The following DPP10 variants were observed in gnomAD, a reference collection of about 807,000 sequenced individuals.
DPP10 encodes the protein dipeptidyl peptidase like 10.
Under a neutral mutation model 120.9 loss-of-function variants are expected in DPP10, and 33 were observed. That is an observed-to-expected ratio of 0.27 (90% CI 0.21 to 0.37). The LOEUF is 0.37. DPP10 is among the 10% of genes least tolerant of loss of function. The pLI, the probability that DPP10 is intolerant of heterozygous loss-of-function variation, is 1.00. For missense variants in DPP10, 816 were observed against 942.8 expected, an observed-to-expected ratio of 0.87 and a Z score of 1.76; for synonymous variants, 337 against 326.1, an observed-to-expected ratio of 1.03 and a Z score of -0.36.
chr2:115,647,679 G>T (rs1188000294), intron 5 of DPP10, among the ~76,000 whole-genome samples: 1 of 152,130 alleles, frequency 6.6e-6, no homozygotes, highest in Non-Finnish European at 1.5e-5. Flanking sequence ...TGGGGGCTGG[G>T]AAGTCCAAGA....
At chr2:114,853,748 G>T (rs1689155602) in intron 1 of DPP10, among the ~76,000 whole-genome samples, 1 of 152,086 alleles carries the variant, frequency 6.6e-6, no homozygotes, top group Admixed American at 6.6e-5. Context: ...GAGAAAGTTA[G>T]CTGCCCTGTC....
At chr2:114,880,014 G>A (rs1011575666) in intron 1 of DPP10, among the ~76,000 whole-genome samples, 4 of 152,102 alleles carry the variant, frequency 2.6e-5, no homozygotes, top group East Asian at 1.9e-4. Context: ...CACGTAAAGC[G>A]TTTTATGACA....
chr2:115,138,368 T>C (rs1436457049), intron 1 of DPP10, among the ~76,000 whole-genome samples: 2 of 152,164 alleles, frequency 1.3e-5, no homozygotes, highest in African/African-American at 4.8e-5. Flanking sequence ...GCATCCTTCC[T>C]GGTGTTTAAA....
chr2:115,741,037 C>T (rs1052600790), intron 9 of DPP10, among the ~76,000 whole-genome samples: 3 of 152,064 alleles, frequency 2.0e-5, no homozygotes, highest in Non-Finnish European at 2.9e-5. Context: ...GTTCCCATCA[C>T]CCTCATTACT....
intron 5 of DPP10, among the ~76,000 whole-genome samples, chr2:115,650,415 G>C (rs115182994): frequency 0.019 from 2,818 of 145,568 alleles, 91 homozygotes; most frequent in African/African-American, 0.062. Flanking sequence ...GGGAAAGGGG[G>C]GGGGGGATAA....
intron 3 of DPP10, among the ~76,000 whole-genome samples, chr2:115,365,654 A>C (rs183310042): frequency 1.3e-4 from 20 of 152,122 alleles, no homozygotes; most frequent in Admixed American, 1.3e-3. Context: ...CGTTTTAGAG[A>C]GTCTTCCTTA....
At chr2:114,573,287 T>A (rs1165152984) in intron 1 of DPP10, among the ~76,000 whole-genome samples, 1 of 152,200 alleles carries the variant, frequency 6.6e-6, no homozygotes, top group Non-Finnish European at 1.5e-5. Context: ...CCTGGTTATA[T>A]TTGTGTTTCA....
chr2:115,754,324 C>T (rs370673399), intron 11 of DPP10, among the ~76,000 whole-genome samples: 1 of 152,180 alleles, frequency 6.6e-6, no homozygotes, highest in East Asian at 1.9e-4. Flanking sequence ...GTATTAGGCT[C>T]AATGCTTAGC....
intron 1 of DPP10, among the ~76,000 whole-genome samples, chr2:114,524,038 T>C (rs998194281): frequency 1.3e-5 from 2 of 152,262 alleles, no homozygotes; most frequent in African/African-American, 2.4e-5. Flanking sequence ...AAGAGAGGAC[T>C]AAAGTGTGGC....
intron 1 of DPP10, among the ~76,000 whole-genome samples, chr2:115,014,992 C>T (rs1702531943): frequency 6.6e-6 from 1 of 151,912 alleles, no homozygotes; most frequent in South Asian, 2.1e-4. Flanking sequence ...TCGGCCCTAA[C>T]TCATTTTATG....
At chr2:115,601,330 T>G (rs1372608634) in intron 5 of DPP10, among the ~76,000 whole-genome samples, 1 of 152,200 alleles carries the variant, frequency 6.6e-6, no homozygotes, top group African/African-American at 2.4e-5. Flanking sequence ...AGGGGTTGGT[T>G]TCTTTATGCG....
At chr2:114,841,627 G>A (rs1480662663) in intron 1 of DPP10, among the ~76,000 whole-genome samples, 1 of 152,078 alleles carries the variant, frequency 6.6e-6, no homozygotes, top group African/African-American at 2.4e-5. Flanking sequence ...CTGGGGTTGA[G>A]AATCAACTTC....
chr2:115,737,587 C>G (rs888785407), intron 8 of DPP10, among the ~76,000 whole-genome samples: 2 of 152,128 alleles, frequency 1.3e-5, no homozygotes, highest in Non-Finnish European at 2.9e-5. Flanking sequence ...ATTGGATCTG[C>G]TGGAGTCACA....
chr2:114,835,896 A>C (rs76881887), intron 1 of DPP10, among the ~76,000 whole-genome samples: 1 of 138,112 alleles, frequency 7.2e-6, no homozygotes. Flanking sequence ...AAATTATTTC[A>C]CTATGAAATC....
At chr2:115,040,861 G>C (rs2202910) in intron 1 of DPP10, among the ~76,000 whole-genome samples, 65,707 of 151,830 alleles carry the variant, frequency 0.43, 14,872 homozygotes, top group Non-Finnish European at 0.49. Flanking sequence ...TTTCACCCCT[G>C]TAATCCCAGC....
At chr2:115,380,370 G>T (rs2066215743) in intron 3 of DPP10, among the ~76,000 whole-genome samples, 1 of 152,026 alleles carries the variant, frequency 6.6e-6, no homozygotes, top group Admixed American at 6.6e-5. Flanking sequence ...GACTAGGATT[G>T]CAGCCCCTGC....
At position 115,316,623 on chromosome 2, in the gene DPP10, T is replaced by G. The variant is rs115671834; in HGVS notation, c.175+7270T>G. On this transcript the variant is annotated intron_variant, in intron 2 of 25. Transcript: ENST00000410059. ...AATTTTTCAGAACTTCAAATACCCA[T>G]GATAAAATATAAGTTCATATTTTCC... 4.8e-3 allele frequency among the ~76,000 whole-genome samples: 728 copies of G among 152,326 alleles called. 7 individuals carry two copies. The highest frequency in any genetic ancestry group is 8.7e-3 in the South Asian group (42 of 4,826).
At chr2:114,761,523 T>C (rs1490211327) in intron 1 of DPP10, among the ~76,000 whole-genome samples, 5 of 152,186 alleles carry the variant, frequency 3.3e-5, no homozygotes, top group Non-Finnish European at 7.3e-5. Context: ...CTAGCTGTGT[T>C]GTAATAAGAT....
intron 1 of DPP10, among the ~76,000 whole-genome samples, chr2:114,516,548 G>A (rs902200317): frequency 2.2e-4 from 34 of 152,118 alleles, no homozygotes; most frequent in African/African-American, 8.0e-4. Flanking sequence ...AGGAAAAGGG[G>A]GAAAATATGT....
Sources: allele counts gnomAD v4.1 joint callset (sites outside exome capture counted in the v4.1 genomes callset), GRCh38; gene constraint gnomAD v4.1.1; transcripts MANE v1.5; gene names NCBI Gene and HGNC (gene_info 2026-07-23, HGNC 2026-07-21).